Variants in CALN1 observed in about 807,000 individuals in gnomAD.
CALN1 encodes the protein calneuron 1, also known as calcium-binding protein 8.
A neutral mutation model predicts 30.6 loss-of-function variants in CALN1; 17 were observed. The ratio of observed to expected loss-of-function variants is 0.56; its 90% CI spans 0.38 to 0.83. CALN1 has a LOEUF of 0.83. CALN1 is among the 40% of genes least tolerant of loss of function. The pLI is 0.00. For synonymous variants in CALN1, 156 were observed against 131.4 expected (o/e 1.19, Z -1.28); for missense variants, 291 against 354.9 (o/e 0.82, Z 1.45).
intron 5 of CALN1, among the ~76,000 whole-genome samples, chr7:71,860,473 G>C (rs1415295224): frequency 6.6e-6 from 1 of 152,282 alleles, no homozygotes; most frequent in African/African-American, 2.4e-5. Context: ...TTACAGGCAT[G>C]AGCCACCGCA....
Position 71,787,668 on chromosome 7 carries a change from T to A in CALN1, c.*107A>T, listed in dbSNP as rs1584206420. On this transcript the variant is annotated 3_prime_UTR_variant, in exon 7 of 7. Coordinates refer to ENST00000395275, the MANE Select transcript of CALN1 (RefSeq NM_031468.4). ...TTACTGAACGGTTCCATCGTCCGCA[T>A]CCATCCATAGTCCATAGGTCCGTGT... The A allele has an allele frequency of 2.0e-6, 3 of 1,481,268 alleles. No homozygotes were observed. Among genetic ancestry groups the A allele is most frequent in the African/African-American group, 1.4e-5 (1 of 72,672 alleles). The allele number at this position is 1,481,268 out of a possible 1,614,324, so 91.8% of individuals were successfully genotyped here. A position where few individuals can be genotyped will look rare whatever the true frequency, so the allele number is the denominator to read the frequency against.
chr7:72,051,086 T>C (rs191329127), intron 4 of CALN1, among the ~76,000 whole-genome samples: 40 of 151,698 alleles, frequency 2.6e-4, no homozygotes, highest in Admixed American at 1.8e-3. Flanking sequence ...TTTAAAACTT[T>C]AGAAAAGTTA....
intron 1 of CALN1, among the ~76,000 whole-genome samples, chr7:72,425,248 G>A (rs1027828927): frequency 8.5e-5 from 13 of 152,184 alleles, no homozygotes; most frequent in African/African-American, 3.1e-4. Context: ...TAAGTACCTA[G>A]GATTACAGGC....
intron 5 of CALN1, among the ~76,000 whole-genome samples, chr7:71,818,672 T>TTTTATTTA (rs72244772): frequency 3.3e-4 from 43 of 131,132 alleles, no homozygotes; most frequent in East Asian, 1.3e-3. Context: ...GACCAGCTTA[T>TTTTATTTA]TTTATTTATT....
chr7:71,921,820 G>A (rs1794959992), intron 5 of CALN1, among the ~76,000 whole-genome samples: 1 of 151,908 alleles, frequency 6.6e-6, no homozygotes, highest in South Asian at 2.1e-4. Flanking sequence ...CTGTACCTCT[G>A]CACCATCCCC....
intron 3 of CALN1, among the ~76,000 whole-genome samples, chr7:72,195,796 A>G (rs985226799): frequency 2.0e-5 from 3 of 152,234 alleles, no homozygotes; most frequent in Admixed American, 2.0e-4. Flanking sequence ...GATGAAAAAT[A>G]AAATGAAGTC....
intron 2 of CALN1, among the ~76,000 whole-genome samples, chr7:72,300,587 A>G (rs747260880): frequency 1.3e-5 from 2 of 152,246 alleles, no homozygotes; most frequent in Non-Finnish European, 2.9e-5. Flanking sequence ...CAACTGAGAA[A>G]AACGAACACA....
Position 72,234,434 on chromosome 7 carries a change from TTTTTG to T in CALN1, c.244+44247_244+44251del, listed in dbSNP as rs763679996. Reference sequence around the variant, plus strand: ...TTGTTATCTGAAGTCCACTTGTCTTTTTTTGTTTTGTTTTGTTTTTTTGTTTTTTT... The same window carrying T: ...TTGTTATCTGAAGTCCACTTGTCTTTTTTTGTTTTGTTTTTTTGTTTTTTT... On this transcript the variant is annotated intron_variant, in intron 3 of 6. Transcript: ENST00000395275. 9.2e-5 allele frequency among the ~76,000 whole-genome samples: 14 copies of T among 151,936 alleles called. No homozygotes were observed. The East Asian group carries it at 9.7e-4, about 11-fold the overall frequency.
chr7:72,383,233 T>C (rs937450567), intron 2 of CALN1, among the ~76,000 whole-genome samples: 6 of 152,232 alleles, frequency 3.9e-5, no homozygotes, highest in African/African-American at 9.6e-5. Context: ...TAACGGTACA[T>C]GTGTCTTCCT....
At chr7:72,191,598 G>T (rs1790611111) in intron 3 of CALN1, among the ~76,000 whole-genome samples, 1 of 147,936 alleles carries the variant, frequency 6.8e-6, no homozygotes, top group Non-Finnish European at 1.5e-5. Flanking sequence ...AGGAAGAAAG[G>T]AGGAAGAGAG....
chr7:72,155,114 T>C (rs1271400627), intron 3 of CALN1, among the ~76,000 whole-genome samples: 1 of 152,016 alleles, frequency 6.6e-6, no homozygotes. Context: ...ACACCAGGGA[T>C]CTCACTTTCT....
At chr7:72,102,653 A>G (rs1180476466) in intron 4 of CALN1, among the ~76,000 whole-genome samples, 1 of 152,224 alleles carries the variant, frequency 6.6e-6, no homozygotes, top group African/African-American at 2.4e-5. Context: ...GCTACTCACA[A>G]AGGAAGGCAA....
At chr7:71,959,921 G>A (rs1275920106) in intron 5 of CALN1, among the ~76,000 whole-genome samples, 1 of 152,022 alleles carries the variant, frequency 6.6e-6, no homozygotes, top group Non-Finnish European at 1.5e-5. Context: ...ATCACCTGAG[G>A]TCAGGAGTTT....
intron 4 of CALN1, among the ~76,000 whole-genome samples, chr7:72,030,090 T>C (rs1801338110): frequency 6.6e-6 from 1 of 152,224 alleles, no homozygotes. Context: ...TTCAATTTAA[T>C]TGTAGGACAT....
At chr7:71,992,550 G>A (rs1562961512) in intron 5 of CALN1, among the ~76,000 whole-genome samples, 1 of 152,074 alleles carries the variant, frequency 6.6e-6, no homozygotes, top group African/African-American at 2.4e-5. Context: ...CAGAGATGGG[G>A]TCTTCCTATG....
chr7:72,276,090 T>C (rs1585333470), intron 3 of CALN1, among the ~76,000 whole-genome samples: 1 of 152,180 alleles, frequency 6.6e-6, no homozygotes, highest in Non-Finnish European at 1.5e-5. Context: ...CAAACTCCAT[T>C]TGGTTAGTGA....
chr7:71,978,418 C>G lies in CALN1; in HGVS notation c.501+45239G>C, dbSNP rs371555685. On this transcript the variant is annotated intron_variant, in intron 5 of 6. Coordinates refer to ENST00000395275, the MANE Select transcript of CALN1 (RefSeq NM_031468.4). ...TCCCAAGTAGCTGGGACTACAGGCACCCCCCCACCACGCCCAGCTAATTTT... is the reference window on the plus strand; with the variant it reads ...TCCCAAGTAGCTGGGACTACAGGCAGCCCCCCACCACGCCCAGCTAATTTT... 3.0e-4 allele frequency among the ~76,000 whole-genome samples: 46 copies of G among 151,342 alleles called. No homozygotes were observed. The East Asian group carries it at 4.9e-3, about 16-fold the overall frequency.
At chr7:72,473,821 C>A in the CALN1 span, among the ~76,000 whole-genome samples, 2 of 151,680 alleles carry the variant, frequency 1.3e-5, no homozygotes, top group African/African-American at 4.8e-5. Context: ...GTAATCCCAG[C>A]TACCTGGGAG....
intron 4 of CALN1, among the ~76,000 whole-genome samples, chr7:72,045,703 A>AT (rs1206821246): frequency 6.6e-6 from 1 of 151,896 alleles, no homozygotes; most frequent in East Asian, 1.9e-4. Context: ...TCATTTTTTA[A>AT]TTTTTTCGTA....
Sources: allele counts gnomAD v4.1 joint callset (sites outside exome capture counted in the v4.1 genomes callset), GRCh38; gene constraint gnomAD v4.1.1; transcripts MANE v1.5; gene names NCBI Gene and HGNC (gene_info 2026-07-23, HGNC 2026-07-21).